The following TMEM114 variants were observed in gnomAD, a reference collection of about 807,000 sequenced individuals.
TMEM114 encodes claudin-26.
In TMEM114, 6 loss-of-function variants were observed where a neutral mutation model predicts 6.2. The observed-to-expected ratio is 0.97, with a 90% confidence interval of 0.53 to 1.91. TMEM114 has a LOEUF of 1.91. TMEM114 is among the 40% of genes most tolerant of loss of function. The pLI is 0.01. For missense variants in TMEM114, 218 were observed against 158.3 expected (o/e 1.38, Z -2.02); for synonymous variants, 104 against 73.0 (o/e 1.42, Z -2.16).
chr16:8,563,325 A>ATGACTGAGTGAATGAG (rs1555463698), intron 2 of TMEM114, among the ~76,000 whole-genome samples: 495 of 115,864 alleles, frequency 4.3e-3, no homozygotes, highest in Middle Eastern at 0.012. Flanking sequence ...GAGGGAGGGT[A>ATGACTGAGTGAATGAG]TGAGTGAGTG....
At chr16:8,542,233 C>G (rs897389700) in intron 2 of TMEM114, among the ~76,000 whole-genome samples, 1 of 152,158 alleles carries the variant, frequency 6.6e-6, no homozygotes, top group African/African-American at 2.4e-5. Context: ...CTCTGTTCCA[C>G]CTGTAGGGCT....
rs1596308442 is a variant in TMEM114, at chr16:8,569,715, G to T, written c.*58C>A. On this transcript the variant is annotated 3_prime_UTR_variant, in exon 4 of 4. Transcript: ENST00000620492. Reference sequence around the variant, plus strand: ...GAAGAGGCCGCAGCCGATGGAGATCGGTCGGTGAAGCTCCGGGGCCAAGCC... The same window carrying T: ...GAAGAGGCCGCAGCCGATGGAGATCTGTCGGTGAAGCTCCGGGGCCAAGCC... 2.7e-6 allele frequency: 4 copies of T among 1,492,226 alleles called. No homozygotes were observed. The highest frequency in any genetic ancestry group is 2.6e-5 in the South Asian group (2 of 77,256). 92.4% of individuals were successfully genotyped at this position (1,492,226 alleles called of 1,614,324 possible).
intron 2 of TMEM114, chr16:8,537,852 T>C (rs542690877): frequency 6.6e-6 from 1 of 152,246 alleles, no homozygotes; most frequent in South Asian, 2.1e-4. Context: ...AGAAAGCTTA[T>C]TGTGTACTGA....
chr16:8,564,851 G>A (rs1418061803), downstream of TMEM114, among the ~76,000 whole-genome samples: 3 of 35,476 alleles, frequency 8.5e-5, no homozygotes, highest in East Asian at 4.3e-3. Flanking sequence ...GTGAGTGAAT[G>A]AGTGAGTGAA....
the TMEM114 span, among the ~76,000 whole-genome samples, chr16:8,529,918 G>A: frequency 6.6e-6 from 1 of 152,088 alleles, no homozygotes; most frequent in Non-Finnish European, 1.5e-5. Context: ...ATTAGTATTT[G>A]CACTCAACCT....
intron 2 of TMEM114, among the ~76,000 whole-genome samples, chr16:8,560,642 A>T (rs1356061688): frequency 6.6e-6 from 1 of 152,148 alleles, no homozygotes; most frequent in Non-Finnish European, 1.5e-5. Context: ...TCTCACTATC[A>T]GCCTCTACCA....
intron 2 of TMEM114, among the ~76,000 whole-genome samples, chr16:8,562,134 GA>G (rs1901250326): frequency 6.7e-6 from 1 of 149,826 alleles, no homozygotes; most frequent in African/African-American, 2.5e-5. Flanking sequence ...ATGAGTGAGT[GA>G]ATGAGTGAGT....
At chr16:8,581,335 A>G (rs1422728920) in intron 2 of TMEM114, among the ~76,000 whole-genome samples, 1 of 152,214 alleles carries the variant, frequency 6.6e-6, no homozygotes, top group Non-Finnish European at 1.5e-5. Context: ...ATATACACCT[A>G]TAAATGTCTA....
intron 2 of TMEM114, among the ~76,000 whole-genome samples, chr16:8,563,181 G>GAGAA: frequency 7.2e-6 from 1 of 139,344 alleles, no homozygotes; most frequent in East Asian, 2.1e-4. Flanking sequence ...AAATGAGTGA[G>GAGAA]TGAATGAGTG....
intron 3 of TMEM114, among the ~76,000 whole-genome samples, chr16:8,570,492 C>G (rs1270160501): frequency 6.6e-6 from 1 of 152,082 alleles, no homozygotes; most frequent in Non-Finnish European, 1.5e-5. Flanking sequence ...CCACCGCGCC[C>G]GGCTAATGTT....
chr16:8,562,212 G>C lies in TMEM114; in HGVS notation n.213-24386C>G, dbSNP rs141593233. Among the ~76,000 whole-genome samples, 168 of 147,486 alleles carry C rather than the reference G, an allele frequency of 1.1e-3. 2 individuals are homozygous for C. Among genetic ancestry groups the C allele is most frequent in the African/African-American group, 4.2e-3 (167 of 40,188 alleles). Reference sequence around the variant, plus strand: ...AGTGAGTGAATGAGTCAGTGAATGAGTGAGTAAATGAGTGAGTGAGTGAGT... The same window carrying C: ...AGTGAGTGAATGAGTCAGTGAATGACTGAGTAAATGAGTGAGTGAGTGAGT... On this transcript the variant is annotated intron_variant and non_coding_transcript_variant, in intron 2 of 2. Transcript: ENST00000623677.
chr16:8,561,156 G>A (rs1901186597), intron 2 of TMEM114, among the ~76,000 whole-genome samples: 1 of 152,180 alleles, frequency 6.6e-6, no homozygotes, highest in South Asian at 2.1e-4. Flanking sequence ...TTTGGGTGGG[G>A]ACACAGCCAA....
intron 2 of TMEM114, among the ~76,000 whole-genome samples, chr16:8,549,268 G>T (rs1421688774): frequency 6.6e-6 from 1 of 151,148 alleles, no homozygotes; most frequent in Non-Finnish European, 1.5e-5. Context: ...GGGAGGCCAA[G>T]GTGGGTGGAT....
At chr16:8,550,265 C>G (rs1900799280) in intron 2 of TMEM114, among the ~76,000 whole-genome samples, 1 of 152,322 alleles carries the variant, frequency 6.6e-6, no homozygotes, top group Admixed American at 6.5e-5. Context: ...CTGGCAATAG[C>G]CAGAAATACC....
At chr16:8,548,575 A>G (rs1024728392) in intron 2 of TMEM114, among the ~76,000 whole-genome samples, 12 of 152,114 alleles carry the variant, frequency 7.9e-5, no homozygotes. Flanking sequence ...GCCACGAACC[A>G]TTGTAGTATC....
chr16:8,551,558 G>C (rs919393006), intron 2 of TMEM114, among the ~76,000 whole-genome samples: 1 of 152,212 alleles, frequency 6.6e-6, no homozygotes, highest in Non-Finnish European at 1.5e-5. Flanking sequence ...AAAGCAAAGA[G>C]AGAAAGTCCA....
chr16:8,552,486 T>A (rs3922383), intron 2 of TMEM114, among the ~76,000 whole-genome samples: 63,325 of 151,562 alleles, frequency 0.42, 13,586 homozygotes, highest in East Asian at 0.52. Flanking sequence ...AATCTATACA[T>A]AGCAGAAATT....
intron 2 of TMEM114, among the ~76,000 whole-genome samples, chr16:8,577,502 A>T (rs1361084442): frequency 2.0e-5 from 3 of 152,190 alleles, no homozygotes; most frequent in African/African-American, 7.2e-5. Flanking sequence ...TTTGTAAAAA[A>T]TATTTAAGAC....
chr16:8,554,206 C>T (rs1018801914), intron 2 of TMEM114, among the ~76,000 whole-genome samples: 28 of 151,906 alleles, frequency 1.8e-4, no homozygotes, highest in Admixed American at 3.9e-4. Context: ...TTTAATTTTC[C>T]CCTTTATTCA....
Sources: gnomAD v4.1 joint callset for allele counts (sites outside exome capture counted in the v4.1 genomes callset) on GRCh38, gnomAD v4.1.1 for gene constraint, MANE v1.5 for transcripts, NCBI Gene and HGNC (gene_info 2026-07-23, HGNC 2026-07-21) for gene names.